Variants in CIP2A observed in about 807,000 individuals in gnomAD.
CIP2A encodes cellular inhibitor of PP2A.
In CIP2A, 103 loss-of-function variants were observed where a neutral mutation model predicts 110.9. The observed-to-expected ratio is 0.93, with a 90% confidence interval of 0.79 to 1.09. CIP2A has a LOEUF of 1.09. Ranked by LOEUF, CIP2A falls within the 50% of genes least tolerant of loss-of-function variation. The pLI, the probability that CIP2A is intolerant of heterozygous loss-of-function variation, is 0.00. For synonymous variants in CIP2A, 381 were observed against 361.6 expected (o/e 1.05, Z -0.61); for missense variants, 1,088 against 1,038.4 (o/e 1.05, Z -0.66).
intron 8 of CIP2A, among the ~76,000 whole-genome samples, chr3:108,570,638 A>G (rs1938363174): frequency 6.6e-6 from 1 of 152,148 alleles, no homozygotes; most frequent in South Asian, 2.1e-4. Context: ...TAAAAGATCA[A>G]AAACGGTACA....
At chr3:108,588,836 C>G (rs944316930) in intron 1 of CIP2A, among the ~76,000 whole-genome samples, 1 of 152,166 alleles carries the variant, frequency 6.6e-6, no homozygotes, top group Non-Finnish European at 1.5e-5. Flanking sequence ...AGTTTGAGTT[C>G]AACCCGAGTT....
intron 8 of CIP2A, among the ~76,000 whole-genome samples, chr3:108,573,678 T>A (rs1327027493): frequency 6.6e-6 from 1 of 152,080 alleles, no homozygotes; most frequent in Admixed American, 6.6e-5. Context: ...AGATACTAAT[T>A]AGAAATAGTT....
intron 17 of CIP2A, among the ~76,000 whole-genome samples, chr3:108,554,873 C>T (rs1234426648): frequency 1.3e-5 from 2 of 152,206 alleles, no homozygotes; most frequent in East Asian, 1.9e-4. Context: ...AAGGTAAACA[C>T]AGAAAAAAAT....
At chr3:108,553,801 C>T (rs1937676165) in intron 18 of CIP2A, 71 bp from the exon 19 acceptor site, 1 of 1,338,756 alleles carries the variant, frequency 7.5e-7, no homozygotes, top group Non-Finnish European at 1.0e-6. Context: ...TTCTCCCTAC[C>T]AAGCACTTTG....
chr3:108,583,814 T>C (rs1455689208), intron 2 of CIP2A, among the ~76,000 whole-genome samples: 1 of 152,206 alleles, frequency 6.6e-6, no homozygotes, highest in African/African-American at 2.4e-5. Flanking sequence ...ATGGATATCC[T>C]AAATACCCTC....
At chr3:108,583,212 T>G in intron 2 of CIP2A, 129 bp from the exon 3 acceptor site, 1 of 450,354 alleles carries the variant, frequency 2.2e-6, no homozygotes, top group Non-Finnish European at 3.9e-6. Context: ...CTTATTTTCT[T>G]TATGATAACC....
chr3:108,562,262 T>C lies in CIP2A; in HGVS notation c.1634+864A>G, dbSNP rs1938031851. Among the ~76,000 whole-genome samples, 3 of 152,262 alleles carry C rather than the reference T, an allele frequency of 2.0e-5. 1 individual carries two copies. The South Asian group carries it at 6.2e-4, about 32-fold the overall frequency. ...TTATAGGTCAAGATAGTAAGTATTT[T>C]AGACTCAAGGACCTATCTGGTCTCT... is the stretch of plus-strand genomic sequence containing the variant. On this transcript the variant is annotated intron_variant, in intron 13 of 20. Transcript: ENST00000295746.
rs777684967 is a variant in CIP2A at position 108,560,001 on chromosome 3, T to G, written c.1855A>C (p.Ile619Leu). 3.7e-6 allele frequency: 6 copies of G among 1,600,386 alleles called. No individual in the cohort carries two copies. The highest frequency in any genetic ancestry group is 5.1e-6 in the Non-Finnish European group (6 of 1,169,828). The change falls in exon 15 of 21, where the codon ATA becomes CTA. Residue 619 changes from isoleucine to leucine, a missense_variant. Transcript: ENST00000295746. ...VVKDQICDVR[I>L]SDIMDVYEMK... ...TCATATACATCCATTATGTCAGATA[T>G]TCTCACATCACAAATCTGATCCTTT... is the stretch of plus-strand genomic sequence containing the variant.
In CIP2A at chr3:108,585,047, A is replaced by T. The variant is rs768755726; in HGVS notation, c.250+18T>A. On this transcript the variant is annotated intron_variant, in intron 2 of 20. Transcript: ENST00000295746. Reference sequence around the variant, plus strand: ...ATACATCTTCCAAAAACTAAAAAGGAGAAATTAAATGCATTACCTAGTTGA... The same window carrying T: ...ATACATCTTCCAAAAACTAAAAAGGTGAAATTAAATGCATTACCTAGTTGA... The T allele has an allele frequency of 1.3e-6, 2 of 1,595,172 alleles. No homozygotes were observed. The highest frequency in any genetic ancestry group is 1.7e-6 in the Non-Finnish European group (2 of 1,171,650).
Position 108,552,233 on chromosome 3 carries a change from C to G in CIP2A, c.2547+1G>C. The G allele has an allele frequency of 6.4e-7, 1 of 1,555,590 alleles. No individual in the cohort carries two copies. Among genetic ancestry groups the G allele is most frequent in the Non-Finnish European group, 8.6e-7 (1 of 1,157,142 alleles). ...AAATGAGAAATGGAACAGATTCTTA[C>G]CTTAATGCTCAACTCTTTTCTTATC... On this transcript the variant is annotated splice_donor_variant, in intron 20 of 20. Coordinates refer to ENST00000295746, the MANE Select transcript of CIP2A (RefSeq NM_020890.3). LOFTEE classifies it high-confidence loss of function.
Position 108,583,042 on chromosome 3 carries a change from T to C in CIP2A, c.292A>G (p.Asn98Asp). The C allele has an allele frequency of 1.2e-6, 2 of 1,605,564 alleles. No individual in the cohort carries two copies. Among genetic ancestry groups the C allele is most frequent in the Non-Finnish European group, 1.7e-6 (2 of 1,176,046 alleles). ...ETRDCLQNTY[N>D]LNSVLAGVVC... ...ACTCCCGCCAGCACACTATTCAGATTATATGTATTCTGAAGACAATCTCTG... is the reference window on the plus strand; with the variant it reads ...ACTCCCGCCAGCACACTATTCAGATCATATGTATTCTGAAGACAATCTCTG... Residue 98 changes from asparagine (N) to aspartate (D), a missense_variant, in exon 3 of 21, where the codon AAT becomes GAT. By Grantham distance (23) the Asn-to-Asp change is conservative. Coordinates refer to ENST00000295746, the MANE Select transcript of CIP2A (RefSeq NM_020890.3).
chr3:108,566,460 T>C, intron 11 of CIP2A, 37 bp downstream of exon 11: 1 of 1,556,640 alleles, frequency 6.4e-7, no homozygotes, highest in Non-Finnish European at 8.7e-7. Context: ...GATTTTTTAC[T>C]GCCTTGCCAT....
Position 108,575,353 on chromosome 3 carries a change from T to C in CIP2A, c.894+918A>G, listed in dbSNP as rs563568193. 1.4e-4 allele frequency among the ~76,000 whole-genome samples: 21 copies of C among 147,898 alleles called. 1 individual carries two copies. The South Asian group carries it at 2.7e-3, about 19-fold the overall frequency. On this transcript the variant is annotated intron_variant, in intron 8 of 20. Coordinates refer to ENST00000295746, the MANE Select transcript of CIP2A (RefSeq NM_020890.3). ...ACGTGTATATATACATATACACACA[T>C]GTGTATATATACATACACATATACA...
intron 16 of CIP2A, among the ~76,000 whole-genome samples, chr3:108,557,978 C>A (rs987655590): frequency 3.9e-5 from 6 of 152,092 alleles, no homozygotes; most frequent in Non-Finnish European, 5.9e-5. Flanking sequence ...TTTTACAATG[C>A]TAGACAAAAC....
At chr3:108,553,529 C>G (rs1937649437) in intron 19 of CIP2A, 119 bp downstream of exon 19, 5 of 884,516 alleles carry the variant, frequency 5.7e-6, no homozygotes, top group Admixed American at 3.2e-5. Context: ...GGAAGCCATT[C>G]CAAATATGAT....
In CIP2A at chr3:108,551,325, G is replaced by T. The variant is rs768622842; in HGVS notation, c.2548-6C>A. The T allele has an allele frequency of 1.9e-6, 3 of 1,598,064 alleles. No individual in the cohort carries two copies. The East Asian group carries it at 6.7e-5, about 36-fold the overall frequency. ...TGAACCTCTAGGGAGGAAGCCTAAGGAATTGGGGTTGGGGGAGGAGGAAGA... is the reference window on the plus strand; with the variant it reads ...TGAACCTCTAGGGAGGAAGCCTAAGTAATTGGGGTTGGGGGAGGAGGAAGA... On this transcript the variant is annotated splice_region_variant and splice_polypyrimidine_tract_variant and intron_variant, in intron 20 of 20. Coordinates refer to ENST00000295746, the MANE Select transcript of CIP2A (RefSeq NM_020890.3).
chr3:108,551,279 C>T lies in CIP2A; in HGVS notation c.2588G>A (p.Arg863His), dbSNP rs371620733. 82 of 1,612,138 alleles carry T rather than the reference C, an allele frequency of 5.1e-5. No homozygotes were observed. In the South Asian group the frequency reaches 6.9e-4, roughly 14 times the overall value. Residue 863 changes from arginine (R) to histidine (H), a missense_variant, in exon 21 of 21, where the codon CGT becomes CAT. Coordinates refer to ENST00000295746, the MANE Select transcript of CIP2A (RefSeq NM_020890.3). ...LEVQKAQLEGRLEEKESLVKL... is the reference protein window; with the variant it reads ...LEVQKAQLEGHLEEKESLVKL... ...CACCAAGGACTCTTTCTCTTCCAAACGACCTTCTAATTGTGCCTTTTGAAC... is the reference window on the plus strand; with the variant it reads ...CACCAAGGACTCTTTCTCTTCCAAATGACCTTCTAATTGTGCCTTTTGAAC...
Position 108,583,044 on chromosome 3 carries a change from T to G in CIP2A, c.290A>C (p.Tyr97Ser). The stretch of plus-strand genomic sequence containing the variant: ...TCCCGCCAGCACACTATTCAGATTA[T>G]ATGTATTCTGAAGACAATCTCTGGT... ...IETRDCLQNT[Y>S]NLNSVLAGVV... Residue 97 changes from tyrosine to serine, a missense_variant, in exon 3 of 21, where the codon TAT (tyrosine) becomes TCT (serine). Physicochemically the swap from Tyr to Ser is moderately radical, Grantham distance 144. Coordinates refer to ENST00000295746, the MANE Select transcript of CIP2A (RefSeq NM_020890.3). The G allele has an allele frequency of 6.2e-7, 1 of 1,604,414 alleles. No homozygotes were observed.
rs915858771 is a variant in CIP2A, at chr3:108,585,154, T to A, written c.161A>T (p.Glu54Val). ...LFTSNQILTS[E>V]CLSCLVELLE... is the part of the protein sequence containing the mutation. ...TAGCTCTACAAGGCAACTCAAGCAT[T>A]CACTTGTTAATATCTGATTTGATGT... The change falls in exon 2 of 21, where the codon GAA becomes GTA. Residue 54 changes from glutamate (E) to valine (V), a missense_variant. Transcript: ENST00000295746. 1 of 1,613,260 alleles carries A rather than the reference T, an allele frequency of 6.2e-7. No individual in the cohort carries two copies. Among genetic ancestry groups the A allele is most frequent in the South Asian group, 1.1e-5 (1 of 91,016 alleles).
Sources: allele counts gnomAD v4.1 joint callset (sites outside exome capture counted in the v4.1 genomes callset), GRCh38; gene constraint gnomAD v4.1.1; transcripts MANE v1.5; gene names NCBI Gene and HGNC (gene_info 2026-07-23, HGNC 2026-07-21).